PRKCG: variants seen among roughly 807,000 people sequenced by gnomAD.
The protein encoded by PRKCG is protein kinase C gamma.
PRKCG carries 28 observed loss-of-function variants against 82.0 expected under a neutral mutation model. The observed-to-expected ratio is 0.34, with a 90% CI of 0.25 to 0.47. PRKCG has a LOEUF of 0.47. Among genes scored for constraint, PRKCG ranks in the 20% least tolerant of loss-of-function variants. The pLI is 1.00. For synonymous variants in PRKCG, 383 were observed against 376.6 expected (o/e 1.02, Z -0.20); for missense variants, 640 against 952.7 (o/e 0.67, Z 4.32).
chr19:53,890,247 A>G (rs966472510), intron 5 of PRKCG, among the ~76,000 whole-genome samples: 5 of 151,680 alleles, frequency 3.3e-5, no homozygotes, highest in Admixed American at 3.3e-4. Context: ...TGCACCTGTT[A>G]ATGACTTTGA....
At position 53,900,372 on chromosome 19, in the gene PRKCG, G is replaced by T. The variant is rs533891009; in HGVS notation, c.1374-47G>T. 27 of 1,614,024 alleles carry T rather than the reference G, an allele frequency of 1.7e-5. No individual in the cohort carries two copies. In the African/African-American group the frequency reaches 3.5e-4, roughly 21 times the overall value. ...TGGTCGGGGTGGTGGAAGGGGGCAG[G>T]ATCCAGCCACTGACCTTCTGACGTC... On this transcript the variant is annotated intron_variant, in intron 12 of 17. Coordinates refer to ENST00000263431, the MANE Select transcript of PRKCG (RefSeq NM_002739.5). This position sits in a 1 kb window ranked among gnomAD's most constrained non-coding sequence, Gnocchi z 4.2.
Position 53,906,333 on chromosome 19 carries a change from C to T in PRKCG, c.1781C>T (p.Pro594Leu). 2 of 1,551,550 alleles carry T rather than the reference C, an allele frequency of 1.3e-6. No homozygotes were observed. Among genetic ancestry groups the T allele is most frequent in the Non-Finnish European group, 1.7e-6 (2 of 1,147,020 alleles). The change falls in exon 17 of 18, where the codon CCA becomes CTA. Residue 594 changes from proline to leucine, a missense_variant. Transcript: ENST00000263431. ...TTCCCACAGTTCCTGACCAAGCACC[C>T]AGGGAAGCGCCTGGGCTCAGGGCCT... ...AICKGFLTKH[P>L]GKRLGSGPDG...
At position 53,906,084 on chromosome 19, in the gene PRKCG, C is replaced by CTTCTTCTTCTT. The variant is rs1555808689; in HGVS notation, c.1765-233_1765-232insTTCTTCTTCTT. On this transcript the variant is annotated intron_variant, in intron 16 of 17. Coordinates refer to ENST00000263431, the MANE Select transcript of PRKCG (RefSeq NM_002739.5). ...TCCTCCTCCTCCTCCTCCTCCTCCT[C>CTTCTTCTTCTT]CTTCTTCTTCTTCTTCTTCTTCTTC... Among the ~76,000 whole-genome samples the CTTCTTCTTCTT allele has an allele frequency of 7.9e-4, 22 of 27,984 alleles. 2 individuals carry two copies. Among genetic ancestry groups the CTTCTTCTTCTT allele is most frequent in the African/African-American group, 4.4e-3 (12 of 2,724 alleles). The allele number at this position is 27,984 out of a possible 152,430, so 18.4% of individuals were successfully genotyped here.
chr19:53,898,348 G>A, intron 10 of PRKCG, 92 bp from the exon 11 acceptor site: 1 of 1,522,804 alleles, frequency 6.6e-7, no homozygotes, highest in African/African-American at 1.4e-5. Context: ...AAGGGCCTGG[G>A]ATCCCGTTTC....
chr19:53,900,265 C>A lies in PRKCG; in HGVS notation c.1314C>A (p.Thr438=). ...TGTATTTCGTGATGGAGTACGTCAC[C>A]GGGGGAGACTTGATGTACCACATTC... ...DRLYFVMEYV[T]GGDLMYHIQQ... is the part of the protein sequence containing the mutation. The change falls in exon 12 of 18, where the codon ACC becomes ACA. Residue 438 remains threonine (T), a synonymous_variant. Transcript: ENST00000263431. This position sits in a 1 kb window ranked among gnomAD's most constrained non-coding sequence, Gnocchi z 4.2. 1 of 1,614,078 alleles carries A rather than the reference C, an allele frequency of 6.2e-7. No homozygotes were observed. Among genetic ancestry groups the A allele is most frequent in the Non-Finnish European group, 8.5e-7 (1 of 1,180,030 alleles).
intron 17 of PRKCG, 51 bp downstream of exon 17, chr19:53,906,508 C>T: frequency 6.4e-7 from 1 of 1,569,020 alleles, no homozygotes; most frequent in Non-Finnish European, 8.6e-7. Context: ...GGGTGGGGTT[C>T]CCCTGGGCCT....
chr19:53,897,888 C>G, intron 9 of PRKCG, 71 bp from the exon 10 acceptor site: 7 of 1,601,612 alleles, frequency 4.4e-6, no homozygotes, highest in Non-Finnish European at 6.0e-6. Context: ...GGTGCTGTGT[C>G]TCTTGGGAGC....
Position 53,890,013 on chromosome 19 carries a change from A to G in PRKCG, c.525A>G (p.Val175=). The change falls in exon 5 of 18, where the codon GTA becomes GTG. Residue 175 remains valine (V), a synonymous_variant. Coordinates refer to ENST00000263431, the MANE Select transcript of PRKCG (RefSeq NM_002739.5). The stretch of plus-strand genomic sequence containing the variant: ...CTCCCACAGCAGATGAGATCCACGT[A>G]ACTGGTGAGGCCCCGCCCCCTCGCC... ...IRAPTADEIH[V]TVGEARNLIP... 1 of 1,561,632 alleles carries G rather than the reference A, an allele frequency of 6.4e-7. No homozygotes were observed. The highest frequency in any genetic ancestry group is 8.7e-7 in the Non-Finnish European group (1 of 1,155,784).
In PRKCG at chr19:53,900,844, A is replaced by T; in HGVS notation, c.1575+95A>T. Reference sequence around the variant, plus strand: ...TCACCACGGGTGAGGCCTGACCCTCAGACCTTGTCATGAGTTGTGGCCTTC... The same window carrying T: ...TCACCACGGGTGAGGCCTGACCCTCTGACCTTGTCATGAGTTGTGGCCTTC... On this transcript the variant is annotated intron_variant, in intron 14 of 17. Coordinates refer to ENST00000263431, the MANE Select transcript of PRKCG (RefSeq NM_002739.5). The surrounding 1 kb of genome is among the most constrained non-coding windows in gnomAD (Gnocchi z 4.2). 2 of 1,587,054 alleles carry T rather than the reference A, an allele frequency of 1.3e-6. No homozygotes were observed. The highest frequency in any genetic ancestry group is 8.6e-7 in the Non-Finnish European group (1 of 1,163,012).
Position 53,898,638 on chromosome 19 carries a change from GA to G in PRKCG, c.1281+11del. The G allele has an allele frequency of 2.6e-6, 4 of 1,562,218 alleles. No individual in the cohort carries two copies. The highest frequency in any genetic ancestry group is 3.5e-6 in the Non-Finnish European group (4 of 1,154,780). On this transcript the variant is annotated intron_variant, in intron 11 of 17. Transcript: ENST00000263431. ...CACCTTCCAGACCCCGGTAAGGATG[GA>G]GGGGGCGGAGGCTGTCCTCCGGGCC...
In PRKCG at chr19:53,891,815, A is replaced by T; in HGVS notation, c.671A>T (p.Asn224Ile). The change falls in exon 6 of 18, where the codon AAT becomes ATT. Residue 224 changes from asparagine to isoleucine, a missense_variant. By Grantham distance (149) the Asn-to-Ile change is moderately radical. Coordinates refer to ENST00000263431, the MANE Select transcript of PRKCG (RefSeq NM_002739.5). ...TVKATLNPVW[N>I]ETFVFNLKPG... ...AAAGCCACGCTAAACCCTGTGTGGA[A>T]TGAGACCTTTGTGTTGTGAGTCTGG... 1 of 1,614,074 alleles carries T rather than the reference A, an allele frequency of 6.2e-7. No individual in the cohort carries two copies. Among genetic ancestry groups the T allele is most frequent in the Non-Finnish European group, 8.5e-7 (1 of 1,179,976 alleles).
At position 53,884,579 on chromosome 19, in the gene PRKCG, C is replaced by T. The variant is rs1183698978; in HGVS notation, c.285+336C>T. Among the ~76,000 whole-genome samples, 2 of 151,880 alleles carry T rather than the reference C, an allele frequency of 1.3e-5. No homozygotes were observed. Among genetic ancestry groups the T allele is most frequent in the Non-Finnish European group, 2.9e-5 (2 of 67,996 alleles). ...ACGGAGAAAAATATCAGTGCAGGTGCGGAGATGCCAACATAAGACAGAGGG... is the reference window on the plus strand; with the variant it reads ...ACGGAGAAAAATATCAGTGCAGGTGTGGAGATGCCAACATAAGACAGAGGG... On this transcript the variant is annotated intron_variant, in intron 3 of 17. Transcript: ENST00000263431. This position sits in a 1 kb window ranked among gnomAD's most constrained non-coding sequence, Gnocchi z 4.6.
rs369451797 is a variant in PRKCG at position 53,887,551 on chromosome 19, C to G, written c.286-2087C>G. Among the ~76,000 whole-genome samples the G allele has an allele frequency of 1.3e-3, 169 of 133,884 alleles. 1 individual carries two copies. The highest frequency in any genetic ancestry group is 5.6e-3 in the Middle Eastern group (1 of 178). 87.8% of individuals were successfully genotyped at this position (133,884 alleles called of 152,430 possible). A position where few individuals can be genotyped will look rare whatever the true frequency, so the allele number is the denominator to read the frequency against. ...AAAAAAAAAAGGTAACATGCCTTGA[C>G]CAGGCATGGTGGCTCATGCCTGTAA... On this transcript the variant is annotated intron_variant, in intron 3 of 17. Coordinates refer to ENST00000263431, the MANE Select transcript of PRKCG (RefSeq NM_002739.5).
intron 3 of PRKCG, among the ~76,000 whole-genome samples, chr19:53,886,332 G>A (rs1278039217): frequency 6.6e-6 from 1 of 151,922 alleles, no homozygotes; most frequent in East Asian, 2.0e-4. Flanking sequence ...TCTTGCTCCT[G>A]ACCTCACGTG....
chr19:53,884,772 C>T lies in PRKCG; in HGVS notation c.285+529C>T, dbSNP rs769076491. On this transcript the variant is annotated intron_variant, in intron 3 of 17. Transcript: ENST00000263431. The surrounding 1 kb of genome is among the most constrained non-coding windows in gnomAD (Gnocchi z 4.6). Reference sequence around the variant, plus strand: ...ACTCCAAGAGACGGAGACACAGACACCTGGAGAAAGAGACTAAAATAGAAA... The same window carrying T: ...ACTCCAAGAGACGGAGACACAGACATCTGGAGAAAGAGACTAAAATAGAAA... Among the ~76,000 whole-genome samples, 14 of 152,098 alleles carry T rather than the reference C, an allele frequency of 9.2e-5. No individual in the cohort carries two copies. Among genetic ancestry groups the T allele is most frequent in the Non-Finnish European group, 1.9e-4 (13 of 68,020 alleles).
chr19:53,904,444 T>C (rs2068786706), intron 15 of PRKCG, among the ~76,000 whole-genome samples, 191 bp from the exon 16 acceptor site: 1 of 143,206 alleles, frequency 7.0e-6, no homozygotes, highest in Admixed American at 7.2e-5. Flanking sequence ...AGATAGGAAA[T>C]GAGAGAACCT....
intron 6 of PRKCG, 77 bp downstream of exon 6, chr19:53,891,907 G>T: frequency 6.3e-7 from 1 of 1,588,738 alleles, no homozygotes; most frequent in South Asian, 1.1e-5. Flanking sequence ...CCAGAGAGCA[G>T]CTGATGGGAG....
Position 53,900,089 on chromosome 19 carries a change from C to A in PRKCG, c.1282-144C>A. 1 of 775,802 alleles carries A rather than the reference C, an allele frequency of 1.3e-6. No individual in the cohort carries two copies. The highest frequency in any genetic ancestry group is 2.2e-6 in the Non-Finnish European group (1 of 446,428). 48.1% of individuals were successfully genotyped at this position (775,802 alleles called of 1,614,324 possible). A position where few individuals can be genotyped will look rare whatever the true frequency, so the allele number is the denominator to read the frequency against. On this transcript the variant is annotated intron_variant, in intron 11 of 17. Coordinates refer to ENST00000263431, the MANE Select transcript of PRKCG (RefSeq NM_002739.5). This position sits in a 1 kb window ranked among gnomAD's most constrained non-coding sequence, Gnocchi z 4.2. ...AGGTAGCAGGATTAGCACCTTAGGG[C>A]CCTCCCAGGGATGTGGCTAGGTGCT...
Position 53,891,730 on chromosome 19 carries a change from G to A in PRKCG, c.586G>A (p.Val196Met). 2 of 1,614,074 alleles carry A rather than the reference G, an allele frequency of 1.2e-6. 1 individual carries two copies. Among genetic ancestry groups the A allele is most frequent in the South Asian group, 2.2e-5 (2 of 91,078 alleles). Reference sequence around the variant, plus strand: ...CCCCAATGGTCTCTCTGATCCCTATGTGAAACTGAAGCTCATCCCAGACCC... The same window carrying A: ...CCCCAATGGTCTCTCTGATCCCTATATGAAACTGAAGCTCATCCCAGACCC... ...MDPNGLSDPYVKLKLIPDPRN... is the reference protein window; with the variant it reads ...MDPNGLSDPYMKLKLIPDPRN... Residue 196 changes from valine (V) to methionine (M), a missense_variant, in exon 6 of 18, where the codon GTG becomes ATG. By Grantham distance (21) the Val-to-Met change is conservative. Coordinates refer to ENST00000263431, the MANE Select transcript of PRKCG (RefSeq NM_002739.5).
Sources: gnomAD v4.1 joint callset for allele counts (sites outside exome capture counted in the v4.1 genomes callset) on GRCh38, gnomAD v4.1.1 for gene constraint, Gnocchi (gnomAD v3.1) non-coding constraint, MANE v1.5 for transcripts, NCBI Gene and HGNC (gene_info 2026-07-23, HGNC 2026-07-21) for gene names.